Variants in VANGL1 observed in about 807,000 individuals in gnomAD.
VANGL1 encodes the protein vang-like protein 1.
VANGL1 carries 18 observed loss-of-function variants against 48.4 expected under a neutral mutation model. That is an observed-to-expected ratio of 0.37 (90% CI 0.26 to 0.55). The LOEUF (loss-of-function observed/expected upper bound fraction) is 0.55, where lower values mean the gene tolerates loss of function less well. Ranked by LOEUF, VANGL1 falls within the 20% of genes least tolerant of loss-of-function variation. The probability of loss-of-function intolerance (pLI) is 0.81; values close to 1 mark genes in which losing one functional copy is unlikely to be tolerated. For synonymous variants in VANGL1, 257 were observed against 261.8 expected, an observed-to-expected ratio of 0.98 and a Z score of 0.18; for missense variants, 667 against 675.8, an observed-to-expected ratio of 0.99 and a Z score of 0.14.
At chr1:115,668,590 C>T (rs188218597) in intron 4 of VANGL1, among the ~76,000 whole-genome samples, 4 of 152,310 alleles carry the variant, frequency 2.6e-5, no homozygotes, top group African/African-American at 4.8e-5. Flanking sequence ...TTAAAACAAC[C>T]AATTCAGTAT....
chr1:115,651,834 G>GC (rs1652158702), intron 2 of VANGL1, among the ~76,000 whole-genome samples: 1 of 151,556 alleles, frequency 6.6e-6, no homozygotes, highest in Non-Finnish European at 1.5e-5. Flanking sequence ...TCGGCTCACT[G>GC]CAAGCTCCGC....
intron 3 of VANGL1, among the ~76,000 whole-genome samples, chr1:115,663,058 T>C (rs59203560): frequency 0.18 from 27,094 of 152,146 alleles, 2,528 homozygotes; most frequent in African/African-American, 0.23. Context: ...GTACGGGGAT[T>C]ACAGGTGTGA....
intron 3 of VANGL1, among the ~76,000 whole-genome samples, chr1:115,661,239 T>C (rs187743203): frequency 1.4e-4 from 22 of 152,320 alleles, no homozygotes; most frequent in Non-Finnish European, 2.5e-4. Context: ...CTTTTTCTTC[T>C]AAGAACCTGA....
chr1:115,679,076 C>A (rs1459221003), intron 4 of VANGL1, among the ~76,000 whole-genome samples: 1 of 152,166 alleles, frequency 6.6e-6, no homozygotes, highest in Admixed American at 6.5e-5. Context: ...TTCCCTAATA[C>A]TGCCAGGTAT....
chr1:115,672,284 G>A (rs921687606), intron 4 of VANGL1, among the ~76,000 whole-genome samples: 1 of 152,132 alleles, frequency 6.6e-6, no homozygotes, highest in East Asian at 1.9e-4. Flanking sequence ...CTTTCAGTGG[G>A]GATACCCTGC....
intron 2 of VANGL1, among the ~76,000 whole-genome samples, chr1:115,658,516 T>C (rs1171468417): frequency 2.0e-5 from 3 of 152,194 alleles, no homozygotes; most frequent in African/African-American, 7.2e-5. Context: ...TTTTCAGAGA[T>C]TGAATAACTT....
intron 4 of VANGL1, among the ~76,000 whole-genome samples, chr1:115,678,298 T>C (rs1055942054): frequency 6.6e-6 from 1 of 152,126 alleles, no homozygotes; most frequent in South Asian, 2.1e-4. Context: ...GTTCCTTCCA[T>C]ATTTGGAGGG....
rs1414326901 is a variant in VANGL1 at position 115,695,965 on chromosome 1, C to T, written c.*4586C>T. 6.6e-6 allele frequency: 1 copy of T among 152,152 alleles called. No individual in the cohort carries two copies. The highest frequency in any genetic ancestry group is 2.4e-5 in the African/African-American group (1 of 41,416). 9.4% of individuals were successfully genotyped at this position (152,152 alleles called of 1,614,324 possible). ...CTCTTCTTTCACTTTGGATTTACAC[C>T]TTGTCCCTTGGAAAGCTTCTCCACT... On this transcript the variant is annotated 3_prime_UTR_variant, in exon 8 of 8. Transcript: ENST00000355485.
intron 4 of VANGL1, among the ~76,000 whole-genome samples, chr1:115,676,611 G>A (rs770570724): frequency 6.6e-6 from 1 of 152,220 alleles, no homozygotes; most frequent in African/African-American, 2.4e-5. Flanking sequence ...GGAAAGTGGT[G>A]GGTGAACTCC....
intron 1 of VANGL1, among the ~76,000 whole-genome samples, chr1:115,644,781 C>A (rs1651857123): frequency 6.6e-6 from 1 of 152,194 alleles, no homozygotes; most frequent in Non-Finnish European, 1.5e-5. Context: ...ACGATTCACA[C>A]CTCTTCAGAA....
chr1:115,683,530 G>C (rs1653470252), intron 5 of VANGL1, among the ~76,000 whole-genome samples: 1 of 151,992 alleles, frequency 6.6e-6, no homozygotes, highest in Admixed American at 6.6e-5. Flanking sequence ...GTCTGTCCTT[G>C]GTCTCCCCAT....
At chr1:115,654,736 A>G (rs1053998166) in intron 2 of VANGL1, among the ~76,000 whole-genome samples, 1 of 152,072 alleles carries the variant, frequency 6.6e-6, no homozygotes, top group African/African-American at 2.4e-5. Flanking sequence ...TTGGAGCACA[A>G]GTTCCCTAAT....
chr1:115,670,143 C>T (rs1652926038), intron 4 of VANGL1, among the ~76,000 whole-genome samples: 1 of 152,106 alleles, frequency 6.6e-6, no homozygotes, highest in South Asian at 2.1e-4. Flanking sequence ...CTGTGTGAGG[C>T]CCCAGAAAGA....
At chr1:115,647,915 A>G (rs1364783981) in intron 1 of VANGL1, among the ~76,000 whole-genome samples, 1 of 152,196 alleles carries the variant, frequency 6.6e-6, no homozygotes, top group Admixed American at 6.5e-5. Flanking sequence ...TTCAGTAAGT[A>G]TTTGTTGGGT....
In VANGL1 at chr1:115,691,560, C is replaced by G; in HGVS notation, c.*181C>G. On this transcript the variant is annotated 3_prime_UTR_variant, in exon 8 of 8. Transcript: ENST00000355485. ...TTGGAAGGAAGCAGGGGCTGTCCAC[C>G]CTGAAAAAGAGTGACTGATGACATC... The G allele has an allele frequency of 1.5e-6, 1 of 671,506 alleles. No homozygotes were observed. The highest frequency in any genetic ancestry group is 2.4e-6 in the Non-Finnish European group (1 of 421,848). 41.6% of individuals were successfully genotyped at this position (671,506 alleles called of 1,614,324 possible).
At chr1:115,647,156 T>A (rs1484246642) in intron 1 of VANGL1, among the ~76,000 whole-genome samples, 2 of 152,264 alleles carry the variant, frequency 1.3e-5, no homozygotes, top group African/African-American at 4.8e-5. Context: ...AAGGTCACTC[T>A]GGCTGCTGCC....
chr1:115,650,282 C>T (rs986407314), intron 1 of VANGL1, among the ~76,000 whole-genome samples: 1 of 151,988 alleles, frequency 6.6e-6, no homozygotes, highest in African/African-American at 2.4e-5. Context: ...AAGAAGGAAC[C>T]CTGTTGAGCT....
intron 2 of VANGL1, among the ~76,000 whole-genome samples, chr1:115,658,478 C>G (rs1290577354): frequency 6.6e-6 from 1 of 152,208 alleles, no homozygotes. Context: ...TTGTCATTGT[C>G]ACCATTTCAT....
chr1:115,658,800 G>A (rs1652437270), intron 2 of VANGL1, among the ~76,000 whole-genome samples: 1 of 152,154 alleles, frequency 6.6e-6, no homozygotes, highest in South Asian at 2.1e-4. Flanking sequence ...GGCTTGGCCA[G>A]TGATTGGTTC....
Sources: gnomAD v4.1 joint callset for allele counts (sites outside exome capture counted in the v4.1 genomes callset) on GRCh38, gnomAD v4.1.1 for gene constraint, MANE v1.5 for transcripts, NCBI Gene and HGNC (gene_info 2026-07-23, HGNC 2026-07-21) for gene names.